The following RSPO3 variants were observed in gnomAD, a reference collection of about 807,000 sequenced individuals.
RSPO3 encodes the protein R-spondin 3, also known as R-spondin-3.
In RSPO3, 17 loss-of-function variants were observed where a neutral mutation model predicts 36.5. That is an observed-to-expected ratio of 0.47 (90% CI 0.32 to 0.70). RSPO3 has a LOEUF of 0.70. RSPO3 is among the 30% of genes least tolerant of loss of function. The probability of loss-of-function intolerance (pLI) is 0.04; values close to 1 mark genes in which losing one functional copy is unlikely to be tolerated. For missense variants in RSPO3, 294 were observed against 322.5 expected, an observed-to-expected ratio of 0.91 and a Z score of 0.68; for synonymous variants, 108 against 107.0, an observed-to-expected ratio of 1.01 and a Z score of -0.06.
intron 4 of RSPO3, among the ~76,000 whole-genome samples, chr6:127,193,307 G>A (rs1217268779): frequency 2.0e-5 from 3 of 152,188 alleles, no homozygotes; most frequent in Non-Finnish European, 4.4e-5. Context: ...GCCAGTTGAG[G>A]ATGTTGTCAC....
chr6:127,176,408 C>T (rs1775056371), intron 4 of RSPO3, among the ~76,000 whole-genome samples: 1 of 151,576 alleles, frequency 6.6e-6, no homozygotes, highest in South Asian at 2.1e-4. Context: ...TGCTGGGGCT[C>T]CAACATCAAG....
chr6:127,156,644 T>G (rs1293278723), intron 4 of RSPO3, among the ~76,000 whole-genome samples: 1 of 152,172 alleles, frequency 6.6e-6, no homozygotes, highest in East Asian at 1.9e-4. Context: ...TTTTATTATA[T>G]TCTTACTTTA....
chr6:127,125,456 C>A (rs929189219), intron 1 of RSPO3, among the ~76,000 whole-genome samples: 1 of 152,114 alleles, frequency 6.6e-6, no homozygotes, highest in African/African-American at 2.4e-5. Context: ...TTTACTATAC[C>A]AAGCTAAAGT....
chr6:127,146,992 C>T (rs1417641385), intron 1 of RSPO3, among the ~76,000 whole-genome samples: 3 of 152,116 alleles, frequency 2.0e-5, no homozygotes, highest in African/African-American at 7.2e-5. Flanking sequence ...TTACAAGTCC[C>T]CCAGGCCCTG....
chr6:127,170,217 T>C (rs114843565), intron 4 of RSPO3, among the ~76,000 whole-genome samples: 190 of 151,706 alleles, frequency 1.3e-3, no homozygotes, highest in African/African-American at 4.3e-3. Flanking sequence ...GATGAGAAAA[T>C]TGGAGTAGAA....
At position 127,196,965 on chromosome 6, in the gene RSPO3, T is replaced by C. The variant is rs1775526629; in HGVS notation, c.*958T>C. The C allele has an allele frequency of 6.5e-6, 1 of 153,726 alleles. No homozygotes were observed. Among genetic ancestry groups the C allele is most frequent in the Admixed American group, 6.5e-5 (1 of 15,468 alleles). The allele number at this position is 153,726 out of a possible 1,614,324, so 9.5% of individuals were successfully genotyped here. A position where few individuals can be genotyped will look rare whatever the true frequency, so the allele number is the denominator to read the frequency against. On this transcript the variant is annotated 3_prime_UTR_variant, in exon 5 of 5. Coordinates refer to ENST00000356698, the MANE Select transcript of RSPO3 (RefSeq NM_032784.5). ...ATGGTCCACCTGGAACTAAAAGGGA[T>C]ACTATTTTCTAACAAGGTATATCTA...
At chr6:127,167,126 T>C (rs2114610678) in intron 4 of RSPO3, among the ~76,000 whole-genome samples, 1 of 152,126 alleles carries the variant, frequency 6.6e-6, no homozygotes, top group African/African-American at 2.4e-5. Flanking sequence ...TTTATTTTTT[T>C]CCCTCAACTT....
intron 4 of RSPO3, among the ~76,000 whole-genome samples, chr6:127,172,496 A>G (rs1774959697): frequency 6.6e-6 from 1 of 151,638 alleles, no homozygotes; most frequent in Non-Finnish European, 1.5e-5. Context: ...ATTAAAATGG[A>G]AATGAGACCT....
Position 127,196,931 on chromosome 6 carries a change from A to G in RSPO3, c.*924A>G, listed in dbSNP as rs1775525825. The G allele has an allele frequency of 6.5e-6, 1 of 152,746 alleles. No individual in the cohort carries two copies. The highest frequency in any genetic ancestry group is 2.1e-4 in the South Asian group (1 of 4,838). 9.5% of individuals were successfully genotyped at this position (152,746 alleles called of 1,614,324 possible). A position where few individuals can be genotyped will look rare whatever the true frequency, so the allele number is the denominator to read the frequency against. On this transcript the variant is annotated 3_prime_UTR_variant, in exon 5 of 5. Transcript: ENST00000356698. ...TCAATGAGGGAAAAACAATTTTATT[A>G]CCTGCTTAATGGTCCACCTGGAACT... is the stretch of plus-strand genomic sequence containing the variant.
rs1356125916 is a variant in RSPO3 at position 127,197,127 on chromosome 6, T to C, written c.*1120T>C. On this transcript the variant is annotated 3_prime_UTR_variant, in exon 5 of 5. Transcript: ENST00000356698. ...AATTAAGAAAGAGAATTCTGCTAAC[T>C]CAGAGAACCTGGTTCCTATGTAATT... The C allele has an allele frequency of 4.1e-6, 1 of 243,702 alleles. No homozygotes were observed. The highest frequency in any genetic ancestry group is 2.2e-5 in the African/African-American group (1 of 44,822). The allele number at this position is 243,702 out of a possible 1,614,324, so 15.1% of individuals were successfully genotyped here. A position where few individuals can be genotyped will look rare whatever the true frequency, so the allele number is the denominator to read the frequency against.
rs539430438 is a variant in RSPO3, at chr6:127,163,713, C to G, written c.634+8275C>G. Among the ~76,000 whole-genome samples the G allele has an allele frequency of 8.4e-4, 128 of 151,896 alleles. 1 individual carries two copies. Among genetic ancestry groups the G allele is most frequent in the Non-Finnish European group, 1.2e-3 (84 of 67,988 alleles). ...TCTCTAAAAAATTATTTACGACATA[C>G]TTATTACTTTAATAGCAAAATAATA... On this transcript the variant is annotated intron_variant, in intron 4 of 4. Coordinates refer to ENST00000356698, the MANE Select transcript of RSPO3 (RefSeq NM_032784.5).
chr6:127,180,378 G>C (rs140293110), intron 4 of RSPO3, among the ~76,000 whole-genome samples: 1 of 150,642 alleles, frequency 6.6e-6, no homozygotes, highest in Non-Finnish European at 1.5e-5. Context: ...GGGAGTACAG[G>C]CACTGGGCAG....
rs530626533 is a variant in RSPO3 at position 127,164,107 on chromosome 6, G to T, written c.634+8669G>T. On this transcript the variant is annotated intron_variant, in intron 4 of 4. Transcript: ENST00000356698. The stretch of plus-strand genomic sequence containing the variant: ...CCAAATAAAAAAGGATAGTGCTCTC[G>T]CTCTCTCTTTCAGTATCCCTGCATC... Among the ~76,000 whole-genome samples, 13 of 152,056 alleles carry T rather than the reference G, an allele frequency of 8.5e-5. No individual in the cohort carries two copies. In the South Asian group the frequency reaches 2.3e-3, roughly 27 times the overall value.
rs1258520792 is a variant in RSPO3, at chr6:127,139,606, T to C, written c.98-9042T>C. ...TTAAAAAAAAATTTCTAATTATTTCTAACCTTAAAAAAAAATGGAATGCTT... is the reference window on the plus strand; with the variant it reads ...TTAAAAAAAAATTTCTAATTATTTCCAACCTTAAAAAAAAATGGAATGCTT... On this transcript the variant is annotated intron_variant, in intron 1 of 4. Transcript: ENST00000356698. Among the ~76,000 whole-genome samples the C allele has an allele frequency of 2.0e-5, 3 of 152,012 alleles. No individual in the cohort carries two copies. In the East Asian group the frequency reaches 5.8e-4, roughly 29 times the overall value.
chr6:127,120,960 C>T (rs528191478), intron 1 of RSPO3, among the ~76,000 whole-genome samples: 2 of 152,378 alleles, frequency 1.3e-5, no homozygotes, highest in Admixed American at 1.3e-4. Flanking sequence ...CCCGCCTCCT[C>T]TCCTCCCAGG....
At chr6:127,192,154 T>C (rs896448858) in intron 4 of RSPO3, among the ~76,000 whole-genome samples, 1 of 152,194 alleles carries the variant, frequency 6.6e-6, no homozygotes, top group Non-Finnish European at 1.5e-5. Context: ...TTTCCCACTG[T>C]ACCCCCAACA....
chr6:127,140,330 C>T (rs1452227989), intron 1 of RSPO3, among the ~76,000 whole-genome samples: 1 of 151,924 alleles, frequency 6.6e-6, no homozygotes, highest in Non-Finnish European at 1.5e-5. Flanking sequence ...TTTTACTTCT[C>T]CCCACTTATT....
chr6:127,146,402 C>T lies in RSPO3; in HGVS notation c.98-2246C>T, dbSNP rs904396025. Among the ~76,000 whole-genome samples the T allele has an allele frequency of 2.6e-5, 4 of 152,168 alleles. No homozygotes were observed. The East Asian group carries it at 7.7e-4, about 29-fold the overall frequency. ...GAGGGAATCAAGCAAGGTATTTTGGCACATCTCATAATTTCAGTGGATACA... is the reference window on the plus strand; with the variant it reads ...GAGGGAATCAAGCAAGGTATTTTGGTACATCTCATAATTTCAGTGGATACA... On this transcript the variant is annotated intron_variant, in intron 1 of 4. Coordinates refer to ENST00000356698, the MANE Select transcript of RSPO3 (RefSeq NM_032784.5).
At chr6:127,190,254 C>T (rs1219707362) in intron 4 of RSPO3, among the ~76,000 whole-genome samples, 2 of 152,040 alleles carry the variant, frequency 1.3e-5, no homozygotes, top group Admixed American at 1.3e-4. Context: ...TAAAACCAAA[C>T]CCCATCTCTA....
Sources: gnomAD v4.1 joint callset for allele counts (sites outside exome capture counted in the v4.1 genomes callset) on GRCh38, gnomAD v4.1.1 for gene constraint, MANE v1.5 for transcripts, NCBI Gene and HGNC (gene_info 2026-07-23, HGNC 2026-07-21) for gene names.